Variants in TMEM63C observed in about 807,000 individuals in gnomAD.
TMEM63C encodes transmembrane protein 63C.
A neutral mutation model predicts 99.2 loss-of-function variants in TMEM63C; 32 were observed. The observed-to-expected ratio is 0.32, with a 90% confidence interval of 0.24 to 0.43. The LOEUF is 0.43. Among genes scored for constraint, TMEM63C ranks in the 20% least tolerant of loss-of-function variants. The pLI, the probability that TMEM63C is intolerant of heterozygous loss-of-function variation, is 1.00. For synonymous variants in TMEM63C, 376 were observed against 397.9 expected (o/e 0.94, Z 0.66); for missense variants, 826 against 1,053.0 (o/e 0.78, Z 2.98).
At chr14:77,226,767 A>ATT (rs10709163) in intron 6 of TMEM63C, among the ~76,000 whole-genome samples, 1 of 129,492 alleles carries the variant, frequency 7.7e-6, no homozygotes. Context: ...ATCAGTTGGG[A>ATT]TTTTTTTTTT....
chr14:77,253,913 G>A (rs1889418263), intron 23 of TMEM63C, among the ~76,000 whole-genome samples: 1 of 152,336 alleles, frequency 6.6e-6, no homozygotes. Context: ...CGGCCTGAAG[G>A]GGAATGGGCA....
At chr14:77,222,820 C>A (rs1248441631) in intron 5 of TMEM63C, among the ~76,000 whole-genome samples, 1 of 152,228 alleles carries the variant, frequency 6.6e-6, no homozygotes, top group African/African-American at 2.4e-5. Flanking sequence ...TGTTATATAG[C>A]CACAGAAAAT....
intron 12 of TMEM63C, 65 bp from the exon 13 acceptor site, chr14:77,240,410 C>T (rs576447233): frequency 2.0e-6 from 3 of 1,527,350 alleles, no homozygotes; most frequent in South Asian, 2.5e-5. Flanking sequence ...TGGGGAGGAA[C>T]CTCGTGACCA....
chr14:77,218,599 C>T (rs1888634855), intron 2 of TMEM63C, among the ~76,000 whole-genome samples: 2 of 152,198 alleles, frequency 1.3e-5, no homozygotes, highest in East Asian at 1.9e-4. Flanking sequence ...TCTGTCATCC[C>T]GGCCTTGGGT....
chr14:77,243,804 GCACA>G lies in TMEM63C; in HGVS notation c.1342-539_1342-536del, dbSNP rs149772487. Among the ~76,000 whole-genome samples the G allele has an allele frequency of 2.0e-5, 3 of 152,070 alleles. No individual in the cohort carries two copies. In the East Asian group the frequency reaches 5.8e-4, roughly 29 times the overall value. The stretch of plus-strand genomic sequence containing the variant: ...TCACACAAAGTCAACACACACGCAT[GCACA>G]CACACGCACACATGCACAGTCAACA... On this transcript the variant is annotated intron_variant, in intron 15 of 23. Transcript: ENST00000298351.
intron 6 of TMEM63C, among the ~76,000 whole-genome samples, chr14:77,226,610 G>A (rs1342106141): frequency 6.6e-6 from 1 of 152,266 alleles, no homozygotes. Flanking sequence ...TGTGGGATGT[G>A]GAGGGCACAT....
chr14:77,221,886 A>G (rs534901831), intron 5 of TMEM63C, among the ~76,000 whole-genome samples: 23 of 151,862 alleles, frequency 1.5e-4, no homozygotes, highest in African/African-American at 5.3e-4. Flanking sequence ...TCCGTTGCAT[A>G]GGTGATGTCA....
intron 1 of TMEM63C, among the ~76,000 whole-genome samples, chr14:77,188,229 A>C (rs1308915671): frequency 6.6e-6 from 1 of 152,064 alleles, no homozygotes; most frequent in Non-Finnish European, 1.5e-5. Context: ...AATGCCCTTA[A>C]CACTTTGAGT....
intron 1 of TMEM63C, among the ~76,000 whole-genome samples, chr14:77,198,863 A>G (rs1317161119): frequency 6.6e-6 from 1 of 152,202 alleles, no homozygotes; most frequent in East Asian, 1.9e-4. Flanking sequence ...GGGAGGGGGC[A>G]AACCAGAGCA....
At chr14:77,219,682 G>A (rs1432616961) in intron 4 of TMEM63C, 105 bp downstream of exon 4, 47 of 1,220,954 alleles carry the variant, frequency 3.8e-5, no homozygotes, top group Middle Eastern at 2.4e-4. Context: ...CAGGTGTCTC[G>A]CCAGCAAGTG....
intron 22 of TMEM63C, among the ~76,000 whole-genome samples, chr14:77,252,723 T>C (rs915721600): frequency 6.6e-6 from 1 of 152,156 alleles, no homozygotes; most frequent in African/African-American, 2.4e-5. Flanking sequence ...CGGAGGAGGA[T>C]CTCTTTGCTT....
chr14:77,253,193 A>T, intron 22 of TMEM63C, 112 bp from the exon 23 acceptor site: 1 of 900,044 alleles, frequency 1.1e-6, no homozygotes. Flanking sequence ...ACAGAAGATG[A>T]GTTGAGTTCC....
intron 10 of TMEM63C, 85 bp downstream of exon 10, chr14:77,238,852 C>T: frequency 1.8e-6 from 2 of 1,127,814 alleles, no homozygotes; most frequent in Non-Finnish European, 2.7e-6. Context: ...TGAGTTGGTG[C>T]AGGATGGTGG....
chr14:77,227,901 G>A (rs1176038933), intron 6 of TMEM63C, among the ~76,000 whole-genome samples: 1 of 152,220 alleles, frequency 6.6e-6, no homozygotes, highest in African/African-American at 2.4e-5. Flanking sequence ...GCTACTGGAA[G>A]GAGGAGGGAA....
At chr14:77,196,314 A>C (rs1223212393) in intron 1 of TMEM63C, 1 of 152,486 alleles carries the variant, frequency 6.6e-6, no homozygotes, top group Non-Finnish European at 1.5e-5. Flanking sequence ...AAATGTGGCC[A>C]TCCTGGCCGC....
chr14:77,240,982 G>A (rs186909984), intron 13 of TMEM63C, among the ~76,000 whole-genome samples: 94 of 131,914 alleles, frequency 7.1e-4, no homozygotes, highest in South Asian at 5.7e-3. Flanking sequence ...AGAGAGTCTC[G>A]CTCTGTCACC....
At chr14:77,243,202 G>A in intron 15 of TMEM63C, 146 bp downstream of exon 15, 1 of 979,912 alleles carries the variant, frequency 1.0e-6, no homozygotes. Flanking sequence ...GGTGCAAATG[G>A]CGGGGTAGGG....
chr14:77,207,938 G>A lies in TMEM63C; in HGVS notation c.-76-5508G>A, dbSNP rs753656016. Among the ~76,000 whole-genome samples the A allele has an allele frequency of 6.4e-4, 97 of 152,248 alleles. 2 individuals are homozygous for A. The highest frequency in any genetic ancestry group is 2.1e-4 in the South Asian group (1 of 4,826). On this transcript the variant is annotated intron_variant, in intron 1 of 23. Coordinates refer to ENST00000298351, the MANE Select transcript of TMEM63C (RefSeq NM_020431.4). ...TGTTGGAATCAGCGTTCTCTGCCTC[G>A]AGGGTGGCACATAGCAAAGTGATCA...
At chr14:77,248,951 C>A in intron 20 of TMEM63C, 79 bp downstream of exon 20, 1 of 1,330,018 alleles carries the variant, frequency 7.5e-7, no homozygotes, top group Non-Finnish European at 1.1e-6. Context: ...AACATCAGTC[C>A]ACCTCCTGGA....
Sources: allele counts gnomAD v4.1 joint callset (sites outside exome capture counted in the v4.1 genomes callset), GRCh38; gene constraint gnomAD v4.1.1; transcripts MANE v1.5; gene names NCBI Gene and HGNC (gene_info 2026-07-23, HGNC 2026-07-21).